Variants in POPDC1 observed in about 807,000 individuals in gnomAD.
The protein encoded by POPDC1 is popeye domain-containing protein 1.
At chr6:105,134,986 G>A in the POPDC1 span, among the ~76,000 whole-genome samples, 14 of 152,128 alleles carry the variant, frequency 9.2e-5, no homozygotes, top group African/African-American at 2.9e-4. Context: ...AAGGCCAAAC[G>A]AGAATGAATC....
the POPDC1 span, among the ~76,000 whole-genome samples, chr6:105,126,948 G>A: frequency 6.6e-6 from 1 of 152,186 alleles, no homozygotes; most frequent in African/African-American, 2.4e-5. Flanking sequence ...ACTGGAGGAA[G>A]AGAAAAACAA....
the POPDC1 span, chr6:105,124,692 T>C: frequency 7.3e-7 from 1 of 1,363,946 alleles, no homozygotes; most frequent in Non-Finnish European, 1.0e-6. Context: ...AAGCAATATT[T>C]CACAAATACC....
chr6:105,136,129 G>T, the POPDC1 span: 1 of 151,960 alleles, frequency 6.6e-6, no homozygotes, highest in African/African-American at 2.4e-5. Flanking sequence ...CGAGCGTCTT[G>T]CTAGTCGAGT....
the POPDC1 span, chr6:105,124,775 A>C: frequency 1.7e-5 from 12 of 713,772 alleles, no homozygotes; most frequent in Non-Finnish European, 2.3e-5. Flanking sequence ...TTCCACAGAG[A>C]TGATGGACAT....
chr6:105,115,326 G>A, the POPDC1 span, among the ~76,000 whole-genome samples: 2 of 152,032 alleles, frequency 1.3e-5, no homozygotes, highest in Non-Finnish European at 1.5e-5. Flanking sequence ...CTGACCTCGT[G>A]ATCCGCCCGC....
the POPDC1 span, chr6:105,100,473 A>T: frequency 6.6e-6 from 1 of 151,444 alleles, no homozygotes; most frequent in Non-Finnish European, 1.5e-5. Context: ...ATGTGCCACT[A>T]CACTCCAGCC....
At chr6:105,133,104 G>C in the POPDC1 span, among the ~76,000 whole-genome samples, 7 of 152,306 alleles carry the variant, frequency 4.6e-5, no homozygotes, top group East Asian at 7.7e-4. Context: ...ACACATGAAT[G>C]AATGTTCTGG....
the POPDC1 span, among the ~76,000 whole-genome samples, chr6:105,125,224 C>A: frequency 2.0e-5 from 3 of 152,198 alleles, no homozygotes; most frequent in Admixed American, 6.5e-5. Flanking sequence ...TAACATGTTG[C>A]TCTATAGCAT....
chr6:105,131,476 G>A, the POPDC1 span, among the ~76,000 whole-genome samples: 3 of 151,592 alleles, frequency 2.0e-5, no homozygotes, highest in Admixed American at 6.6e-5. Flanking sequence ...TTGCTCTGTC[G>A]CCCAGGCTGG....
the POPDC1 span, among the ~76,000 whole-genome samples, chr6:105,124,385 C>CAAAAAAA: frequency 1.5e-4 from 12 of 81,750 alleles, no homozygotes; most frequent in African/African-American, 1.7e-4. Context: ...CCGTCTCAAA[C>CAAAAAAA]AAAAAAAAAA....
the POPDC1 span, among the ~76,000 whole-genome samples, chr6:105,135,726 G>C: frequency 1.3e-5 from 2 of 152,016 alleles, no homozygotes; most frequent in East Asian, 3.9e-4. Flanking sequence ...AAGAGAGAGA[G>C]AGATATATAT....
the POPDC1 span, chr6:105,099,546 C>T: frequency 3.3e-5 from 5 of 152,204 alleles, no homozygotes; most frequent in Admixed American, 3.3e-4. Context: ...AGCGTCCTGG[C>T]CAAGTGCCAC....
chr6:105,117,259 C>A, the POPDC1 span, among the ~76,000 whole-genome samples: 1 of 152,126 alleles, frequency 6.6e-6, no homozygotes. Context: ...CAGCTTCAAG[C>A]AGATGAACTA....
At chr6:105,132,579 G>A in the POPDC1 span, among the ~76,000 whole-genome samples, 1 of 152,270 alleles carries the variant, frequency 6.6e-6, no homozygotes, top group South Asian at 2.1e-4. Flanking sequence ...GGATGAAGAC[G>A]GCCTTCCTCA....
the POPDC1 span, among the ~76,000 whole-genome samples, chr6:105,104,722 A>G: frequency 1.3e-5 from 2 of 152,184 alleles, no homozygotes; most frequent in African/African-American, 4.8e-5. Context: ...GGCATGGACA[A>G]GAACACCGTT....
chr6:105,135,512 A>C, the POPDC1 span, among the ~76,000 whole-genome samples: 1 of 152,046 alleles, frequency 6.6e-6, no homozygotes, highest in Non-Finnish European at 1.5e-5. Flanking sequence ...AGTTCACCCA[A>C]TTTCACCTGT....
At chr6:105,115,249 G>T in the POPDC1 span, among the ~76,000 whole-genome samples, 5 of 152,170 alleles carry the variant, frequency 3.3e-5, no homozygotes, top group African/African-American at 1.2e-4. Context: ...ACCAAGCCCG[G>T]CTAATTTTTT....
the POPDC1 span, chr6:105,133,275 C>T: frequency 8.0e-7 from 1 of 1,257,274 alleles, no homozygotes; most frequent in Non-Finnish European, 1.1e-6. Flanking sequence ...ACAAAGAATA[C>T]TCTGAAGCTC....
the POPDC1 span, chr6:105,116,923 G>A: frequency 6.7e-7 from 1 of 1,486,882 alleles, no homozygotes; most frequent in Non-Finnish European, 9.1e-7. Context: ...TATGAATTAT[G>A]ACTATAGTGA....
Sources: gnomAD v4.1 joint callset for allele counts (sites outside exome capture counted in the v4.1 genomes callset) on GRCh38, gnomAD v4.1.1 for gene constraint, MANE v1.5 for transcripts, NCBI Gene and HGNC (gene_info 2026-07-23, HGNC 2026-07-21) for gene names.